Variants in RAB40B observed in about 807,000 individuals in gnomAD.
The protein encoded by RAB40B is ras-related protein Rab-40B.
Under a neutral mutation model 24.0 loss-of-function variants are expected in RAB40B, and 21 were observed. The ratio of observed to expected loss-of-function variants is 0.88; its 90% CI spans 0.62 to 1.26. The LOEUF is 1.26. Ranked by LOEUF, RAB40B falls within the 50% of genes most tolerant of loss-of-function variation. RAB40B has a pLI of 0.00. For missense variants in RAB40B, 348 were observed against 390.5 expected, an observed-to-expected ratio of 0.89 and a Z score of 0.92; for synonymous variants, 167 against 169.8, an observed-to-expected ratio of 0.98 and a Z score of 0.13.
intron 5 of RAB40B, 80 bp from the exon 6 acceptor site, chr17:82,658,214 C>T (rs567417969): frequency 1.3e-6 from 2 of 1,534,610 alleles, no homozygotes; most frequent in African/African-American, 1.4e-5. Context: ...CACACCTGTT[C>T]TCCCGCCCTC....
At chr17:82,674,077 G>A (rs968620856) in intron 1 of RAB40B, among the ~76,000 whole-genome samples, 20 of 152,214 alleles carry the variant, frequency 1.3e-4, no homozygotes, top group South Asian at 1.0e-3. Context: ...GCGGTGGCTC[G>A]CGCCTGTAAT....
intron 1 of RAB40B, among the ~76,000 whole-genome samples, chr17:82,677,776 G>A (rs2046409674): frequency 6.6e-6 from 1 of 152,188 alleles, no homozygotes; most frequent in Admixed American, 6.5e-5. Context: ...CGGATGTGGG[G>A]CCCTCTGACC....
chr17:82,658,421 C>T lies in RAB40B; in HGVS notation c.565+70G>A, dbSNP rs998067460. The T allele has an allele frequency of 2.9e-5, 44 of 1,538,348 alleles. No individual in the cohort carries two copies. The African/African-American group carries it at 4.9e-4, about 17-fold the overall frequency. Reference sequence around the variant, plus strand: ...CGGGTCCCGGGAGGCAGACACTTATCCAGGGGGCCGCTGACCCACCTCGGC... The same window carrying T: ...CGGGTCCCGGGAGGCAGACACTTATTCAGGGGGCCGCTGACCCACCTCGGC... On this transcript the variant is annotated intron_variant, in intron 5 of 5. Transcript: ENST00000571995.
intron 1 of RAB40B, among the ~76,000 whole-genome samples, chr17:82,672,085 T>C (rs182092233): frequency 1.5e-4 from 19 of 123,358 alleles, no homozygotes; most frequent in Middle Eastern, 5.5e-3. Context: ...CTCCCTGTAC[T>C]CACTGACACA....
intron 1 of RAB40B, among the ~76,000 whole-genome samples, chr17:82,671,542 A>G (rs2046336203): frequency 6.6e-6 from 1 of 151,112 alleles, no homozygotes; most frequent in Non-Finnish European, 1.5e-5. Context: ...ACACACTCAC[A>G]CGCTCCCTGT....
At chr17:82,664,355 GGA>G (rs2046226230) in intron 2 of RAB40B, 139 bp downstream of exon 2, 1 of 757,374 alleles carries the variant, frequency 1.3e-6, no homozygotes, top group Non-Finnish European at 2.2e-6. Context: ...GGTGGTGGTG[GGA>G]GGGTGTTCCC....
At chr17:82,688,066 G>A (rs2046519861) in intron 1 of RAB40B, among the ~76,000 whole-genome samples, 1 of 151,944 alleles carries the variant, frequency 6.6e-6, no homozygotes, top group Admixed American at 6.6e-5. Flanking sequence ...GCCAGACCCG[G>A]TTTCAAAAAA....
chr17:82,671,718 C>T (rs111487914), intron 1 of RAB40B, among the ~76,000 whole-genome samples: 3 of 26,750 alleles, frequency 1.1e-4, no homozygotes, highest in African/African-American at 1.0e-4. Flanking sequence ...CACCCTGTAC[C>T]CACTGACACA....
At chr17:82,684,713 G>T (rs2046479811) in intron 1 of RAB40B, among the ~76,000 whole-genome samples, 1 of 152,186 alleles carries the variant, frequency 6.6e-6, no homozygotes, top group Admixed American at 6.5e-5. Context: ...AGGCTGAGGA[G>T]GTGGGGTTGG....
In RAB40B at chr17:82,697,591, A is replaced by G. The variant is rs577330619; in HGVS notation, c.142+864T>C. 1.3e-5 allele frequency among the ~76,000 whole-genome samples: 2 copies of G among 152,270 alleles called. No individual in the cohort carries two copies. Among genetic ancestry groups the G allele is most frequent in the East Asian group, 3.9e-4 (2 of 5,174 alleles). On this transcript the variant is annotated intron_variant, in intron 1 of 5. Coordinates refer to ENST00000571995, the MANE Select transcript of RAB40B (RefSeq NM_006822.3). The surrounding 1 kb of genome is among the most constrained non-coding windows in gnomAD (Gnocchi z 4.9). ...ACAGCCTCAGGGTCGGCCTCGTCCAAGCTGTTCCAGGGATGCGCGTGGGTG... is the reference window on the plus strand; with the variant it reads ...ACAGCCTCAGGGTCGGCCTCGTCCAGGCTGTTCCAGGGATGCGCGTGGGTG...
At chr17:82,672,360 TACCC>T (rs1448663851) in intron 1 of RAB40B, among the ~76,000 whole-genome samples, 3 of 149,430 alleles carry the variant, frequency 2.0e-5, no homozygotes, top group Admixed American at 6.7e-5. Flanking sequence ...ACGCTCCCTG[TACCC>T]ACTGACACAC....
chr17:82,697,152 C>T lies in RAB40B; in HGVS notation c.142+1303G>A, dbSNP rs539991108. ...AGCCCAAGCCCATCTCAGCTGCTCC[C>T]CCAAACTCTGCCCATTCCTCACCCC... On this transcript the variant is annotated intron_variant, in intron 1 of 5. Coordinates refer to ENST00000571995, the MANE Select transcript of RAB40B (RefSeq NM_006822.3). The surrounding 1 kb of genome is among the most constrained non-coding windows in gnomAD (Gnocchi z 4.9). 1.5e-4 allele frequency among the ~76,000 whole-genome samples: 23 copies of T among 152,232 alleles called. No homozygotes were observed. Among genetic ancestry groups the T allele is most frequent in the African/African-American group, 5.3e-4 (22 of 41,548 alleles).
rs115618214 is a variant in RAB40B, at chr17:82,681,121, A to G, written c.143-16565T>C. Among the ~76,000 whole-genome samples the G allele has an allele frequency of 1.4e-3, 217 of 152,084 alleles. 1 individual carries two copies. Among genetic ancestry groups the G allele is most frequent in the African/African-American group, 4.9e-3 (203 of 41,504 alleles). ...GAAGGCAAATATATCTGCTTCATAT[A>G]CATTGAACACAGTTGCCAAAACACT... On this transcript the variant is annotated intron_variant, in intron 1 of 5. Transcript: ENST00000571995.
At chr17:82,669,064 A>G (rs927109065) in intron 1 of RAB40B, among the ~76,000 whole-genome samples, 1 of 152,226 alleles carries the variant, frequency 6.6e-6, no homozygotes, top group Non-Finnish European at 1.5e-5. Flanking sequence ...ATAGCCAGGC[A>G]CGGTGGCTCA....
At chr17:82,693,899 A>C (rs1367550674) in intron 1 of RAB40B, among the ~76,000 whole-genome samples, 1 of 150,712 alleles carries the variant, frequency 6.6e-6, no homozygotes, top group African/African-American at 2.5e-5. Context: ...CCTGGCTAAC[A>C]AAGTGAAACC....
chr17:82,658,668 G>C lies in RAB40B; in HGVS notation c.388C>G (p.Leu130Val). Residue 130 changes from leucine to valine, a missense_variant, in exon 5 of 6, where the codon CTG becomes GTG. Leu to Val is a conservative substitution (Grantham distance 32, BLOSUM62 1). This residue lies in a region of RAB40B where 126 missense variants were observed against 181.0 expected (regional missense o/e 0.70). Transcript: ENST00000571995. ...PKILVGNRLHLAFKRQVPTEQ... is the reference protein window; with the variant it reads ...PKILVGNRLHVAFKRQVPTEQ... ...GTGGGCACCTGCCGCTTGAACGCCA[G>C]GTGCAGGCGGTTCCCCACCAGGATC... is the stretch of plus-strand genomic sequence containing the variant. The C allele has an allele frequency of 6.2e-7, 1 of 1,613,136 alleles. No homozygotes were observed. Among genetic ancestry groups the C allele is most frequent in the Non-Finnish European group, 8.5e-7 (1 of 1,179,820 alleles).
At chr17:82,661,151 C>G in intron 2 of RAB40B, 104 bp from the exon 3 acceptor site, 1 of 1,516,046 alleles carries the variant, frequency 6.6e-7, no homozygotes. Flanking sequence ...ACCCGCCAGT[C>G]AGCAGCCACC....
At chr17:82,658,343 TC>T in intron 5 of RAB40B, 147 bp downstream of exon 5, 2 of 1,085,642 alleles carry the variant, frequency 1.8e-6, no homozygotes, top group Non-Finnish European at 2.6e-6. Context: ...AAAGCTGTAG[TC>T]ATTACTTCTC....
chr17:82,681,555 C>G (rs2046449665), intron 1 of RAB40B, among the ~76,000 whole-genome samples: 1 of 152,092 alleles, frequency 6.6e-6, no homozygotes, highest in South Asian at 2.1e-4. Flanking sequence ...TTTGGAGCCA[C>G]CAGAACTGGG....
Sources: gnomAD v4.1 joint callset for allele counts (sites outside exome capture counted in the v4.1 genomes callset) on GRCh38, gnomAD v4.1.1 for gene constraint, gnomAD v4.1.1 regional missense constraint, Gnocchi (gnomAD v3.1) non-coding constraint, MANE v1.5 for transcripts, NCBI Gene and HGNC (gene_info 2026-07-23, HGNC 2026-07-21) for gene names.